The following MAP3K5 variants were observed in gnomAD, a reference collection of about 807,000 sequenced individuals.
The protein encoded by MAP3K5 is ASK-1.
A neutral mutation model predicts 158.7 loss-of-function variants in MAP3K5; 56 were observed. The observed-to-expected ratio is 0.35, with a 90% CI of 0.28 to 0.44. The LOEUF is 0.44. Among genes scored for constraint, MAP3K5 ranks in the 20% least tolerant of loss-of-function variants. The pLI is 1.00. For missense variants in MAP3K5, 1,294 were observed against 1,674.8 expected, an observed-to-expected ratio of 0.77 and a Z score of 3.97; for synonymous variants, 579 against 601.7, an observed-to-expected ratio of 0.96 and a Z score of 0.55.
intron 21 of MAP3K5, among the ~76,000 whole-genome samples, chr6:136,596,598 A>C (rs1460554100): frequency 2.6e-5 from 4 of 152,212 alleles, no homozygotes; most frequent in African/African-American, 9.6e-5. Flanking sequence ...ACTCACTGGG[A>C]GAGGCAGAAG....
At chr6:136,764,907 G>A (rs1438894797) in intron 1 of MAP3K5, among the ~76,000 whole-genome samples, 1 of 152,078 alleles carries the variant, frequency 6.6e-6, no homozygotes, top group East Asian at 1.9e-4. Flanking sequence ...TCAGAAGCTG[G>A]GACAAGTGAC....
chr6:136,782,269 C>T (rs941168395), intron 1 of MAP3K5, among the ~76,000 whole-genome samples: 46 of 144,388 alleles, frequency 3.2e-4, no homozygotes, highest in African/African-American at 1.2e-3. Context: ...GAGAGAGTGA[C>T]ACCCCATCTC....
intron 23 of MAP3K5, among the ~76,000 whole-genome samples, chr6:136,588,411 T>C (rs1322459996): frequency 6.6e-6 from 1 of 152,204 alleles, no homozygotes; most frequent in Non-Finnish European, 1.5e-5. Flanking sequence ...AGTATTACTG[T>C]CATGAAAATT....
At chr6:136,695,882 C>T (rs1284312249) in intron 6 of MAP3K5, 69 bp downstream of exon 6, 3 of 876,904 alleles carry the variant, frequency 3.4e-6, no homozygotes, top group East Asian at 2.5e-5. Flanking sequence ...TGAACACATT[C>T]TCTGTAAAGA....
At chr6:136,760,470 T>C in intron 1 of MAP3K5, among the ~76,000 whole-genome samples, 1 of 152,392 alleles carries the variant, frequency 6.6e-6, no homozygotes, top group Middle Eastern at 3.4e-3. Context: ...AAGTCCTTAA[T>C]TCACATATAT....
rs184366807 is a variant in MAP3K5, at chr6:136,780,907, A to G, written c.448+10803T>C. Among the ~76,000 whole-genome samples, 77 of 152,294 alleles carry G rather than the reference A, an allele frequency of 5.1e-4. 1 individual carries two copies. The highest frequency in any genetic ancestry group is 3.4e-3 in the Middle Eastern group (1 of 294). ...GCTTCCCTTAGCTTCAGTTTTTCCCATGCAAACAGATACACGTTATACATC... is the reference window on the plus strand; with the variant it reads ...GCTTCCCTTAGCTTCAGTTTTTCCCGTGCAAACAGATACACGTTATACATC... On this transcript the variant is annotated intron_variant, in intron 1 of 29. Transcript: ENST00000359015.
At position 136,639,824 on chromosome 6, in the gene MAP3K5, G is replaced by A. The variant is rs74462601; in HGVS notation, c.1839-186C>T. On this transcript the variant is annotated intron_variant, in intron 12 of 29. Coordinates refer to ENST00000359015, the MANE Select transcript of MAP3K5 (RefSeq NM_005923.4). ...CACTACTAAAATGATTTACTCTTCC[G>A]AGAGGTGTCCTCCTCCTCATCTCTG... is the stretch of plus-strand genomic sequence containing the variant. 2.7e-3 allele frequency among the ~76,000 whole-genome samples: 412 copies of A among 152,250 alleles called. 3 individuals are homozygous for A. The highest frequency in any genetic ancestry group is 9.3e-3 in the African/African-American group (385 of 41,548).
At chr6:136,720,739 G>T in intron 1 of MAP3K5, 150 bp from the exon 2 acceptor site, 1 of 637,072 alleles carries the variant, frequency 1.6e-6, no homozygotes, top group Non-Finnish European at 2.6e-6. Context: ...TTTTGAATTT[G>T]CAGCTCTACC....
At chr6:136,711,102 C>T (rs1583459705) in intron 2 of MAP3K5, among the ~76,000 whole-genome samples, 1 of 151,932 alleles carries the variant, frequency 6.6e-6, no homozygotes, top group South Asian at 2.1e-4. Flanking sequence ...GACACAGAGT[C>T]TTTAAAGATA....
At position 136,792,020 on chromosome 6, in the gene MAP3K5, C is replaced by A; in HGVS notation, c.138G>T (p.Leu46=). ...AGAAGCTGCCCGGCGGCGGCGGTGG[C>A]AGCTGGTGCTCCTCGCCCTCGCCCA... is the stretch of plus-strand genomic sequence containing the variant. ...AAVGEGEEHQ[L]PPPPPGSFWN... Residue 46 remains leucine (L), a synonymous_variant, in exon 1 of 30, where the codon CTG becomes CTT. Transcript: ENST00000359015. The surrounding 1 kb of genome is among the most constrained non-coding windows in gnomAD (Gnocchi z 5.7). 1 of 1,577,058 alleles carries A rather than the reference C, an allele frequency of 6.3e-7. No individual in the cohort carries two copies. Among genetic ancestry groups the A allele is most frequent in the Non-Finnish European group, 8.6e-7 (1 of 1,166,766 alleles).
chr6:136,584,920 G>A (rs1420297760), intron 23 of MAP3K5, among the ~76,000 whole-genome samples: 1 of 152,102 alleles, frequency 6.6e-6, no homozygotes, highest in African/African-American at 2.4e-5. Flanking sequence ...TACTTCAGTT[G>A]TCCTAACGGT....
chr6:136,575,431 T>C (rs1165732623), intron 25 of MAP3K5, among the ~76,000 whole-genome samples: 1 of 152,196 alleles, frequency 6.6e-6, no homozygotes, highest in Admixed American at 6.5e-5. Context: ...CCCAAAGTGC[T>C]GGTATTATAG....
Position 136,613,357 on chromosome 6 carries a change from T to G in MAP3K5, c.2279-101A>C, listed in dbSNP as rs1776423854. 5 of 1,044,492 alleles carry G rather than the reference T, an allele frequency of 4.8e-6. No homozygotes were observed. In the South Asian group the frequency reaches 8.9e-5, roughly 19 times the overall value. The allele number at this position is 1,044,492 out of a possible 1,614,324, so 64.7% of individuals were successfully genotyped here. On this transcript the variant is annotated intron_variant, in intron 16 of 29. Transcript: ENST00000359015. The surrounding 1 kb of genome is among the most constrained non-coding windows in gnomAD (Gnocchi z 4.0). ...AATTTAAGCTAACAGTCATTGGTTC[T>G]TCACAGTGGCCCAGGAGCTATACTG...
At chr6:136,621,556 T>C (rs1776802687) in intron 15 of MAP3K5, among the ~76,000 whole-genome samples, 1 of 152,084 alleles carries the variant, frequency 6.6e-6, no homozygotes, top group African/African-American at 2.4e-5. Flanking sequence ...TGGGAAGCAG[T>C]CAGGGAGGGG....
chr6:136,680,690 C>T (rs1779895721), intron 7 of MAP3K5, among the ~76,000 whole-genome samples: 5 of 152,220 alleles, frequency 3.3e-5, no homozygotes, highest in Admixed American at 6.5e-5. Context: ...AAATTATTCT[C>T]ATCTCTTCTC....
chr6:136,622,002 C>T (rs1776825697), intron 15 of MAP3K5, among the ~76,000 whole-genome samples: 2 of 150,970 alleles, frequency 1.3e-5, no homozygotes, highest in Admixed American at 1.3e-4. Flanking sequence ...AGGAGACTGG[C>T]ATGGACCCAG....
At chr6:136,719,413 AAC>A (rs1562642656) in intron 2 of MAP3K5, among the ~76,000 whole-genome samples, 1 of 152,154 alleles carries the variant, frequency 6.6e-6, no homozygotes, top group Admixed American at 6.5e-5. Flanking sequence ...AGGATAAAAA[AAC>A]AGACTTAGGA....
chr6:136,767,134 T>C (rs2114990764), intron 1 of MAP3K5, among the ~76,000 whole-genome samples: 1 of 152,308 alleles, frequency 6.6e-6, no homozygotes, highest in South Asian at 2.1e-4. Flanking sequence ...TCAAAAAATA[T>C]TCTGACTTTC....
intron 10 of MAP3K5, among the ~76,000 whole-genome samples, chr6:136,655,492 C>T (rs1778701450): frequency 2.0e-5 from 3 of 152,106 alleles, no homozygotes; most frequent in Admixed American, 2.0e-4. Flanking sequence ...AACTAGAAAA[C>T]AAGATTTCAC....
Sources: allele counts gnomAD v4.1 joint callset (sites outside exome capture counted in the v4.1 genomes callset), GRCh38; gene constraint gnomAD v4.1.1; non-coding constraint Gnocchi (gnomAD v3.1); transcripts MANE v1.5; gene names NCBI Gene and HGNC (gene_info 2026-07-23, HGNC 2026-07-21).